The following FSD2 variants were observed in gnomAD, a reference collection of about 807,000 sequenced individuals.
The protein encoded by FSD2 is fibronectin type III and SPRY domain containing 2, also known as fibronectin type III and SPRY domain-containing protein 2.
A neutral mutation model predicts 80.4 loss-of-function variants in FSD2; 71 were observed. The observed-to-expected ratio is 0.88, with a 90% CI of 0.73 to 1.08. The LOEUF is 1.08. Among genes scored for constraint, FSD2 ranks in the 50% least tolerant of loss-of-function variants. The pLI, the probability that FSD2 is intolerant of heterozygous loss-of-function variation, is 0.00. For synonymous variants in FSD2, 361 were observed against 329.5 expected (o/e 1.10, Z -1.03); for missense variants, 923 against 913.8 (o/e 1.01, Z -0.13).
Position 82,755,845 on chromosome 15 carries a change from G to T in FSD2, c.*3503C>A. The T allele has an allele frequency of 2.7e-6, 1 of 375,240 alleles. No individual in the cohort carries two copies. The highest frequency in any genetic ancestry group is 2.1e-5 in the African/African-American group (1 of 48,112). 23.2% of individuals were successfully genotyped at this position (375,240 alleles called of 1,614,324 possible). On this transcript the variant is annotated 3_prime_UTR_variant, in exon 13 of 13. Coordinates refer to ENST00000334574, the MANE Select transcript of FSD2 (RefSeq NM_001007122.4). ...TTACAGTGAAACAAGCATATGTACA[G>T]AGTTAATCTCCTATAGCTTGAAGTT...
chr15:82,768,350 A>G (rs1213520797), intron 9 of FSD2, among the ~76,000 whole-genome samples: 2 of 152,094 alleles, frequency 1.3e-5, no homozygotes, highest in African/African-American at 2.4e-5. Context: ...AGTCTTTCCC[A>G]TATGTTCAGG....
intron 12 of FSD2, among the ~76,000 whole-genome samples, chr15:82,761,830 A>G (rs2049302613): frequency 6.6e-6 from 1 of 151,904 alleles, no homozygotes; most frequent in Non-Finnish European, 1.5e-5. Context: ...GATTTTTCAA[A>G]TGAGATAACA....
In FSD2 at chr15:82,755,915, G is replaced by A. The variant is rs377067800; in HGVS notation, c.*3433C>T. On this transcript the variant is annotated 3_prime_UTR_variant, in exon 13 of 13. Transcript: ENST00000334574. ...GTATCTTGACTTGTTAAAGGACAGTGTTTTAAAAGCTGGATTTGGTTATGT... is the reference window on the plus strand; with the variant it reads ...GTATCTTGACTTGTTAAAGGACAGTATTTTAAAAGCTGGATTTGGTTATGT... 9 of 496,718 alleles carry A rather than the reference G, an allele frequency of 1.8e-5. No individual in the cohort carries two copies. Among genetic ancestry groups the A allele is most frequent in the African/African-American group, 1.8e-4 (9 of 51,174 alleles). 30.8% of individuals were successfully genotyped at this position (496,718 alleles called of 1,614,324 possible). A position where few individuals can be genotyped will look rare whatever the true frequency, so the allele number is the denominator to read the frequency against.
chr15:82,766,810 A>ACTGCTGTT (rs1246167422), intron 9 of FSD2, among the ~76,000 whole-genome samples: 5 of 152,146 alleles, frequency 3.3e-5, no homozygotes, highest in Non-Finnish European at 4.4e-5. Flanking sequence ...GAAAGTGTTA[A>ACTGCTGTT]CTGCTGTTAA....
chr15:82,780,686 CTA>C (rs2049834019), intron 4 of FSD2, among the ~76,000 whole-genome samples: 1 of 151,234 alleles, frequency 6.6e-6, no homozygotes, highest in African/African-American at 2.4e-5. Context: ...ATAGATATAA[CTA>C]TATATGTGAT....
intron 9 of FSD2, among the ~76,000 whole-genome samples, chr15:82,768,290 T>C (rs2049470141): frequency 2.6e-5 from 4 of 152,252 alleles, no homozygotes. Context: ...CCTGTGTTCA[T>C]GCAGCCCCCT....
intron 1 of FSD2, among the ~76,000 whole-genome samples, chr15:82,794,248 A>T (rs2050211790): frequency 6.6e-6 from 1 of 152,056 alleles, no homozygotes; most frequent in South Asian, 2.1e-4. Flanking sequence ...TTGGTTATTG[A>T]GGAGTGTGTT....
intron 1 of FSD2, among the ~76,000 whole-genome samples, chr15:82,805,110 C>A (rs1462908426): frequency 6.6e-6 from 1 of 150,580 alleles, no homozygotes; most frequent in African/African-American, 2.4e-5. Flanking sequence ...AGGTGTATCC[C>A]TGTGCATTAC....
At chr15:82,774,186 C>T (rs1357576453) in intron 6 of FSD2, among the ~76,000 whole-genome samples, 1 of 152,188 alleles carries the variant, frequency 6.6e-6, no homozygotes, top group African/African-American at 2.4e-5. Flanking sequence ...AATCCTCCCA[C>T]TTCAGTCTCC....
chr15:82,766,065 G>C, intron 9 of FSD2, 34 bp from the exon 10 acceptor site: 2 of 1,534,556 alleles, frequency 1.3e-6, no homozygotes, highest in Non-Finnish European at 1.8e-6. Flanking sequence ...GTCAGAATGG[G>C]GCTAGGACAC....
chr15:82,795,796 C>T (rs1340192043), intron 1 of FSD2, among the ~76,000 whole-genome samples: 1 of 151,282 alleles, frequency 6.6e-6, no homozygotes, highest in Non-Finnish European at 1.5e-5. Flanking sequence ...TGCACTCCTT[C>T]ACCTCAGCCT....
Position 82,774,641 on chromosome 15 carries a change from A to G in FSD2, c.1112-2413T>C, listed in dbSNP as rs79493600. ...CAGATACCCAGGAGGAACCTCAGAG[A>G]GGTCAGCCTCTGTACTCACTTATGA... On this transcript the variant is annotated intron_variant, in intron 6 of 12. Coordinates refer to ENST00000334574, the MANE Select transcript of FSD2 (RefSeq NM_001007122.4). 1.2e-3 allele frequency among the ~76,000 whole-genome samples: 182 copies of G among 152,252 alleles called. 2 individuals carry two copies. The highest frequency in any genetic ancestry group is 4.3e-3 in the African/African-American group (179 of 41,546).
intron 12 of FSD2, 51 bp downstream of exon 12, chr15:82,762,051 G>C: frequency 1.4e-6 from 2 of 1,440,684 alleles, no homozygotes; most frequent in South Asian, 1.4e-5. Flanking sequence ...AGGTCTTGCT[G>C]TAATCTTTCA....
At chr15:82,802,608 G>T (rs2050440936) in intron 1 of FSD2, among the ~76,000 whole-genome samples, 1 of 152,134 alleles carries the variant, frequency 6.6e-6, no homozygotes, top group Admixed American at 6.5e-5. Context: ...GAATGAAGCT[G>T]AGCACAAGTA....
chr15:82,791,418 T>G (rs1165878106), intron 1 of FSD2, among the ~76,000 whole-genome samples: 1 of 152,120 alleles, frequency 6.6e-6, no homozygotes, highest in Non-Finnish European at 1.5e-5. Flanking sequence ...TCACCCAGGC[T>G]GGAGTGCAGT....
chr15:82,788,470 G>A (rs375303788), intron 1 of FSD2, among the ~76,000 whole-genome samples: 103 of 137,982 alleles, frequency 7.5e-4, no homozygotes, highest in African/African-American at 2.7e-3. Flanking sequence ...ACACCACTGC[G>A]CTCCAGCCTG....
At chr15:82,767,171 G>A (rs1395414673) in intron 9 of FSD2, among the ~76,000 whole-genome samples, 1 of 152,240 alleles carries the variant, frequency 6.6e-6, no homozygotes, top group Non-Finnish European at 1.5e-5. Flanking sequence ...AGTCTAGATG[G>A]GAAGAGCAGC....
intron 6 of FSD2, among the ~76,000 whole-genome samples, chr15:82,776,879 C>T (rs2049725398): frequency 6.6e-6 from 1 of 152,158 alleles, no homozygotes; most frequent in Non-Finnish European, 1.5e-5. Flanking sequence ...GGCATAAGGA[C>T]AGACACATAG....
intron 1 of FSD2, among the ~76,000 whole-genome samples, chr15:82,805,251 T>C (rs1186942352): frequency 7.2e-5 from 11 of 151,868 alleles, no homozygotes; most frequent in African/African-American, 2.4e-4. Context: ...TTATTAACCT[T>C]TTATGGATCA....
Sources: allele counts gnomAD v4.1 joint callset (sites outside exome capture counted in the v4.1 genomes callset), GRCh38; gene constraint gnomAD v4.1.1; transcripts MANE v1.5; gene names NCBI Gene and HGNC (gene_info 2026-07-23, HGNC 2026-07-21).